HCN1: variants seen among roughly 807,000 people sequenced by gnomAD.
HCN1 encodes potassium/sodium hyperpolarization-activated cyclic nucleotide-gated channel 1.
HCN1 carries 13 observed loss-of-function variants against 78.9 expected under a neutral mutation model. That is an observed-to-expected ratio of 0.16 (90% confidence interval 0.11 to 0.26). HCN1 has a LOEUF of 0.26. Ranked by LOEUF, HCN1 falls within the 10% of genes least tolerant of loss-of-function variation. The probability of loss-of-function intolerance (pLI) is 1.00; values close to 1 mark genes in which losing one functional copy is unlikely to be tolerated. For missense variants in HCN1, 810 were observed against 1,154.3 expected, an observed-to-expected ratio of 0.70 and a Z score of 4.32; for synonymous variants, 552 against 455.5, an observed-to-expected ratio of 1.21 and a Z score of -2.70.
intron 2 of HCN1, among the ~76,000 whole-genome samples, chr5:45,577,181 CTT>C (rs1014536307): frequency 2.6e-5 from 4 of 151,944 alleles, no homozygotes; most frequent in African/African-American, 9.7e-5. Context: ...TAAAATTATT[CTT>C]GTTTTCAAGG....
chr5:45,495,874 T>G (rs1220350956), intron 2 of HCN1, among the ~76,000 whole-genome samples: 3 of 152,218 alleles, frequency 2.0e-5, no homozygotes, highest in African/African-American at 7.2e-5. Context: ...GGTTTTGGTC[T>G]TTGGTTCTGT....
At chr5:45,511,031 T>TTAG (rs200439427) in intron 2 of HCN1, among the ~76,000 whole-genome samples, 6,912 of 152,090 alleles carry the variant, frequency 0.045, 549 homozygotes, top group African/African-American at 0.16. Flanking sequence ...AAGCAGTTAC[T>TTAG]TAGGTTAATG....
At chr5:45,269,794 A>AC (rs1397292289) in intron 6 of HCN1, among the ~76,000 whole-genome samples, 1 of 152,010 alleles carries the variant, frequency 6.6e-6, no homozygotes, top group Non-Finnish European at 1.5e-5. Flanking sequence ...AGCATAAGTC[A>AC]CCCGCTTTCT....
intron 4 of HCN1, among the ~76,000 whole-genome samples, chr5:45,372,261 A>G (rs1318380896): frequency 1.2e-5 from 1 of 83,256 alleles, no homozygotes; most frequent in Non-Finnish European, 2.1e-5. Context: ...ATATATATTT[A>G]TATATATATT....
rs548903980 is a variant in HCN1, at chr5:45,429,551, T to C, written c.1011+32295A>G. Among the ~76,000 whole-genome samples the C allele has an allele frequency of 5.9e-5, 9 of 152,232 alleles. 1 individual carries two copies. The highest frequency in any genetic ancestry group is 2.2e-4 in the African/African-American group (9 of 41,540). ...ATAAGAAAAAAAAAGGTGCAATCAA[T>C]TAATTGATTTAATTTCCCAGTGGGC... On this transcript the variant is annotated intron_variant, in intron 3 of 7. Transcript: ENST00000303230.
Position 45,258,878 on chromosome 5 carries a change from A to T in HCN1, c.*3043T>A, listed in dbSNP as rs992846777. ...AACTATTATAACAAAATAGGTTTGTATAAATATATTACAGGACAATTATTT... is the reference window on the plus strand; with the variant it reads ...AACTATTATAACAAAATAGGTTTGTTTAAATATATTACAGGACAATTATTT... On this transcript the variant is annotated 3_prime_UTR_variant, in exon 8 of 8. Coordinates refer to ENST00000303230, the MANE Select transcript of HCN1 (RefSeq NM_021072.4). The T allele has an allele frequency of 5.3e-5, 8 of 152,044 alleles. No homozygotes were observed. Among genetic ancestry groups the T allele is most frequent in the African/African-American group, 1.9e-4 (8 of 41,450 alleles). 9.4% of individuals were successfully genotyped at this position (152,044 alleles called of 1,614,324 possible). A position where few individuals can be genotyped will look rare whatever the true frequency, so the allele number is the denominator to read the frequency against.
chr5:45,633,358 GC>G (rs1350426306), intron 2 of HCN1, among the ~76,000 whole-genome samples: 1 of 151,634 alleles, frequency 6.6e-6, no homozygotes, highest in Admixed American at 6.6e-5. Flanking sequence ...GTATGTAACA[GC>G]CCCTTTTTAT....
intron 5 of HCN1, among the ~76,000 whole-genome samples, chr5:45,349,361 C>T (rs1304814383): frequency 1.3e-5 from 2 of 152,120 alleles, no homozygotes; most frequent in Non-Finnish European, 2.9e-5. Flanking sequence ...ATCTCTGGGA[C>T]ACATTCAAAG....
chr5:45,283,288 C>A (rs1386798803), intron 6 of HCN1, among the ~76,000 whole-genome samples: 1 of 152,010 alleles, frequency 6.6e-6, no homozygotes, highest in Non-Finnish European at 1.5e-5. Context: ...CAAAAATTGA[C>A]AAATGGGATC....
chr5:45,346,931 G>A (rs1746730914), intron 5 of HCN1, among the ~76,000 whole-genome samples: 1 of 152,206 alleles, frequency 6.6e-6, no homozygotes, highest in Non-Finnish European at 1.5e-5. Flanking sequence ...CCACCTCTGG[G>A]GGCAGGGCAC....
intron 5 of HCN1, among the ~76,000 whole-genome samples, chr5:45,322,459 A>C (rs956245232): frequency 6.6e-6 from 1 of 151,856 alleles, no homozygotes; most frequent in Admixed American, 6.6e-5. Flanking sequence ...AGAATGTCTT[A>C]TGTGAAATGC....
chr5:45,502,863 A>G (rs1039092700), intron 2 of HCN1, among the ~76,000 whole-genome samples: 1 of 152,198 alleles, frequency 6.6e-6, no homozygotes, highest in African/African-American at 2.4e-5. Flanking sequence ...AACGTCCTGC[A>G]TTGAGGAAAA....
At chr5:45,376,249 A>ATG (rs1287569721) in intron 4 of HCN1, among the ~76,000 whole-genome samples, 2 of 135,632 alleles carry the variant, frequency 1.5e-5, no homozygotes, top group South Asian at 2.1e-4. Context: ...TATATTCTAT[A>ATG]TAGAATATAG....
At chr5:45,641,976 G>A (rs1471422089) in intron 2 of HCN1, 1 of 152,130 alleles carries the variant, frequency 6.6e-6, no homozygotes. Context: ...TGAAATAGCA[G>A]TCTGGCTTGG....
intron 1 of HCN1, among the ~76,000 whole-genome samples, chr5:45,685,128 A>C (rs2112094892): frequency 6.6e-6 from 1 of 152,348 alleles, no homozygotes; most frequent in South Asian, 2.1e-4. Context: ...ATTTCTAAAT[A>C]ACAATTTTTA....
At chr5:45,506,596 G>T (rs1181645073) in intron 2 of HCN1, among the ~76,000 whole-genome samples, 3 of 151,874 alleles carry the variant, frequency 2.0e-5, no homozygotes, top group African/African-American at 4.8e-5. Flanking sequence ...ATGCAAACTG[G>T]GTTCATCAAT....
intron 5 of HCN1, among the ~76,000 whole-genome samples, chr5:45,348,325 T>A (rs1746795912): frequency 6.6e-6 from 1 of 152,080 alleles, no homozygotes; most frequent in Admixed American, 6.6e-5. Flanking sequence ...CTGAGAGATT[T>A]TGTCACCAGC....
chr5:45,390,150 C>A (rs1473871878), intron 4 of HCN1, among the ~76,000 whole-genome samples: 1 of 152,134 alleles, frequency 6.6e-6, no homozygotes, highest in Non-Finnish European at 1.5e-5. Flanking sequence ...GGTGACTAAT[C>A]CTGCCTGCTG....
chr5:45,530,408 GTT>G (rs1486259146), intron 2 of HCN1, among the ~76,000 whole-genome samples: 1 of 144,894 alleles, frequency 6.9e-6, no homozygotes, highest in African/African-American at 2.7e-5. Flanking sequence ...AAATGATTGT[GTT>G]TTTATATATA....
Sources: gnomAD v4.1 joint callset for allele counts (sites outside exome capture counted in the v4.1 genomes callset) on GRCh38, gnomAD v4.1.1 for gene constraint, MANE v1.5 for transcripts, NCBI Gene and HGNC (gene_info 2026-07-23, HGNC 2026-07-21) for gene names.